Variants in SSH2 observed in about 807,000 individuals in gnomAD.
The protein encoded by SSH2 is slingshot protein phosphatase 2, also known as protein phosphatase Slingshot homolog 2.
Under a neutral mutation model 135.2 loss-of-function variants are expected in SSH2, and 37 were observed. That is an observed-to-expected ratio of 0.27 (90% CI 0.21 to 0.36). SSH2 has a LOEUF of 0.36. SSH2 is among the 10% of genes least tolerant of loss of function. The pLI is 1.00. For missense variants in SSH2, 1,408 were observed against 1,765.3 expected, an observed-to-expected ratio of 0.80 and a Z score of 3.63; for synonymous variants, 628 against 646.2, an observed-to-expected ratio of 0.97 and a Z score of 0.43.
chr17:29,828,014 T>A (rs1184294555), intron 2 of SSH2, among the ~76,000 whole-genome samples: 1 of 152,222 alleles, frequency 6.6e-6, no homozygotes, highest in African/African-American at 2.4e-5. Context: ...ATTTAGCTGA[T>A]GCTTTTGGTT....
chr17:29,893,426 C>T (rs1018838961), intron 1 of SSH2, among the ~76,000 whole-genome samples: 4 of 152,058 alleles, frequency 2.6e-5, no homozygotes, highest in Admixed American at 2.6e-4. Flanking sequence ...ATAGAGCTCT[C>T]GTGAATGGAA....
In SSH2 at chr17:29,631,472, T is replaced by C. The variant is rs1318872024; in HGVS notation, c.3722A>G (p.His1241Arg). The stretch of plus-strand genomic sequence containing the variant: ...CTTTATGTTTTCACTACTAGAGCTA[T>C]GTGGGAGTCGACAGGCTACAGGCAA... ...DPLPVACRLP[H>R]SSSSENIKSL... The change falls in exon 16 of 16, where the codon CAT (histidine) becomes CGT (arginine). Residue 1241 changes from histidine (H) to arginine (R), a missense_variant. Transcript: ENST00000540801. 1.2e-6 allele frequency: 2 copies of C among 1,614,210 alleles called. No homozygotes were observed. Among genetic ancestry groups the C allele is most frequent in the Non-Finnish European group, 1.7e-6 (2 of 1,180,038 alleles).
chr17:29,928,481 T>C, intron 1 of SSH2: 2 of 398,544 alleles, frequency 5.0e-6, no homozygotes, highest in Non-Finnish European at 8.8e-6. Context: ...TTTCCAGCAA[T>C]GTGCACTCAC....
At chr17:29,753,254 C>T (rs573833717) in intron 3 of SSH2, among the ~76,000 whole-genome samples, 1 of 151,940 alleles carries the variant, frequency 6.6e-6, no homozygotes, top group Admixed American at 6.6e-5. Flanking sequence ...CCTCAGCCTC[C>T]CGAGTAGGTG....
rs868465089 is a variant in SSH2 at position 29,636,570 on chromosome 17, T to C, written c.1660A>G (p.Met554Val). The C allele has an allele frequency of 6.2e-7, 1 of 1,614,214 alleles. No homozygotes were observed. Among genetic ancestry groups the C allele is most frequent in the Non-Finnish European group, 8.5e-7 (1 of 1,180,040 alleles). The stretch of plus-strand genomic sequence containing the variant: ...CTAGAAGTAAACTCCAAGCAGATCA[T>C]TCTTTCTTTGGTACACAGGCCTTTC... ...NQKGLCTKER[M>V]ICLEFTSREF... The change falls in exon 15 of 16, where the codon ATG becomes GTG. Residue 554 changes from methionine (M) to valine (V), a missense_variant. By Grantham distance (21) the Met-to-Val change is conservative. Around this residue, in one of 3 missense-constraint regions of SSH2, gnomAD observed 1,080 missense variants for 1,144.5 expected, o/e 0.94. Transcript: ENST00000540801.
chr17:29,766,812 A>G (rs909073527), intron 3 of SSH2, among the ~76,000 whole-genome samples: 5 of 152,250 alleles, frequency 3.3e-5, no homozygotes, highest in Non-Finnish European at 7.3e-5. Flanking sequence ...ACCAACACTT[A>G]GAATTACAGA....
Position 29,677,029 on chromosome 17 carries a change from G to T in SSH2, c.549-144C>A, listed in dbSNP as rs942096206. 5.5e-5 allele frequency: 37 copies of T among 671,200 alleles called. 1 individual carries two copies. The African/African-American group carries it at 6.0e-4, about 11-fold the overall frequency. The allele number at this position is 671,200 out of a possible 1,614,324, so 41.6% of individuals were successfully genotyped here. On this transcript the variant is annotated intron_variant, in intron 7 of 15. Coordinates refer to ENST00000540801, the MANE Select transcript of SSH2 (RefSeq NM_001282129.2). ...GCATTTCACGTAGAAGTTTTAACTA[G>T]AGTGTAAGACTTGACCAAAAAGCTT...
chr17:29,740,200 G>A (rs1333325292), intron 3 of SSH2, among the ~76,000 whole-genome samples: 1 of 152,144 alleles, frequency 6.6e-6, no homozygotes, highest in Non-Finnish European at 1.5e-5. Context: ...GATGAGCTGC[G>A]GGCAGAGATC....
chr17:29,873,689 A>T (rs1456187341), intron 1 of SSH2, among the ~76,000 whole-genome samples: 1 of 152,184 alleles, frequency 6.6e-6, no homozygotes, highest in Non-Finnish European at 1.5e-5. Flanking sequence ...ACATCAATCA[A>T]CTTTTACTAT....
At chr17:29,786,201 A>G (rs1279945167) in intron 3 of SSH2, among the ~76,000 whole-genome samples, 2 of 152,248 alleles carry the variant, frequency 1.3e-5, no homozygotes, top group Non-Finnish European at 2.9e-5. Flanking sequence ...CAAAGGAAAT[A>G]CTGGCATCAA....
At chr17:29,657,043 T>C (rs1049585092) in intron 11 of SSH2, among the ~76,000 whole-genome samples, 7 of 152,198 alleles carry the variant, frequency 4.6e-5, no homozygotes, top group Non-Finnish European at 1.0e-4. Flanking sequence ...CCTGACTCAC[T>C]GTAACCTCCA....
intron 8 of SSH2, among the ~76,000 whole-genome samples, chr17:29,673,662 A>G (rs948980139): frequency 2.0e-5 from 3 of 152,186 alleles, no homozygotes; most frequent in Admixed American, 1.3e-4. Context: ...AAAGGCAGAA[A>G]TATCTTGTAA....
chr17:29,638,045 C>T (rs1374083910), intron 14 of SSH2, among the ~76,000 whole-genome samples: 1 of 151,560 alleles, frequency 6.6e-6, no homozygotes, highest in Non-Finnish European at 1.5e-5. Context: ...ACCCGGGAGG[C>T]AGAGGTTGCA....
rs2035926749 is a variant in SSH2, at chr17:29,636,617, A to C, written c.1613T>G (p.Met538Arg). The C allele has an allele frequency of 6.2e-7, 1 of 1,614,148 alleles. No individual in the cohort carries two copies. Among genetic ancestry groups the C allele is most frequent in the African/African-American group, 1.3e-5 (1 of 75,042 alleles). ...TTTCTGATTTGCATCTTGTGGGACC[A>C]TATGTTCCACAAAGACAGGAGGTAT... Reference protein sequence around the residue: ...PPIPPVFVEHMVPQDANQKGL... With the variant: ...PPIPPVFVEHRVPQDANQKGL... Residue 538 changes from methionine (M) to arginine (R), a missense_variant, in exon 15 of 16, where the codon ATG becomes AGG. This residue lies in a region of SSH2 where 1,080 missense variants were observed against 1,144.5 expected (regional missense o/e 0.94). Transcript: ENST00000540801.
At chr17:29,632,979 T>G (rs1259367821) in intron 15 of SSH2, 48 bp from the exon 16 acceptor site, 1 of 1,496,218 alleles carries the variant, frequency 6.7e-7, no homozygotes. Context: ...GTAGTCTAAT[T>G]GAAAATGCTG....
chr17:29,736,786 CAA>C (rs1194959594), intron 3 of SSH2, among the ~76,000 whole-genome samples: 2 of 10,208 alleles, frequency 2.0e-4, no homozygotes, highest in African/African-American at 9.2e-4. Context: ...GACTCTGTCT[CAA>C]AAAAAAAAAA....
At chr17:29,657,137 T>C (rs1020942650) in intron 11 of SSH2, among the ~76,000 whole-genome samples, 1 of 152,046 alleles carries the variant, frequency 6.6e-6, no homozygotes, top group African/African-American at 2.4e-5. Context: ...CAGCTGATTT[T>C]TGTATTTTTA....
chr17:29,707,180 T>G (rs1365585525), intron 3 of SSH2: 2 of 152,222 alleles, frequency 1.3e-5, no homozygotes, highest in Non-Finnish European at 2.9e-5. Context: ...TTCCTGGTTT[T>G]TGGAGTTCAG....
chr17:29,870,528 C>A (rs931436665), intron 1 of SSH2, among the ~76,000 whole-genome samples: 2 of 152,006 alleles, frequency 1.3e-5, no homozygotes, highest in Non-Finnish European at 2.9e-5. Flanking sequence ...AAAAATTAAA[C>A]AAAAATAAAT....
Sources: allele counts gnomAD v4.1 joint callset (sites outside exome capture counted in the v4.1 genomes callset), GRCh38; gene constraint gnomAD v4.1.1; regional missense constraint gnomAD v4.1.1; transcripts MANE v1.5; gene names NCBI Gene and HGNC (gene_info 2026-07-23, HGNC 2026-07-21).